The following ATP23 variants were observed in gnomAD, a reference collection of about 807,000 sequenced individuals.
The protein encoded by ATP23 is mitochondrial inner membrane protease ATP23 homolog.
ATP23 carries 24 observed loss-of-function variants against 28.5 expected under a neutral mutation model. The observed-to-expected ratio is 0.84, with a 90% CI of 0.61 to 1.18. The LOEUF (loss-of-function observed/expected upper bound fraction) is 1.18. ATP23 is among the 50% of genes most tolerant of loss of function. ATP23 has a pLI of 0.00. For synonymous variants in ATP23, 99 were observed against 108.6 expected, an observed-to-expected ratio of 0.91 and a Z score of 0.55; for missense variants, 274 against 306.4, an observed-to-expected ratio of 0.89 and a Z score of 0.79.
At chr12:57,956,009 T>C (rs2140543409) in intron 5 of ATP23, among the ~76,000 whole-genome samples, 1 of 152,350 alleles carries the variant, frequency 6.6e-6, no homozygotes, top group African/African-American at 2.4e-5. Flanking sequence ...AGAATTGGAA[T>C]GGCAGGGCCT....
Position 57,947,045 on chromosome 12 carries a change from T to C in ATP23, c.284T>C (p.Val95Ala). 1 of 1,614,132 alleles carries C rather than the reference T, an allele frequency of 6.2e-7. No individual in the cohort carries two copies. Among genetic ancestry groups the C allele is most frequent in the Non-Finnish European group, 8.5e-7 (1 of 1,180,008 alleles). ...TCTTGCGAAGACTGTAATGGAAATG[T>C]CAGTGGAGGTTTTGATGCTTCAACA... The part of the protein sequence containing the change: ...HFSCEDCNGN[V>A]SGGFDASTSQ... Residue 95 changes from valine (V) to alanine (A), a missense_variant, in exon 3 of 6, where the codon GTC becomes GCC. Val to Ala is a moderately conservative substitution (Grantham distance 64). Coordinates refer to ENST00000300145, the MANE Select transcript of ATP23 (RefSeq NM_033276.4).
chr12:57,946,288 T>C (rs897649737), intron 2 of ATP23, among the ~76,000 whole-genome samples: 4 of 152,176 alleles, frequency 2.6e-5, no homozygotes, highest in Admixed American at 6.5e-5. Context: ...CTGTTTTTAA[T>C]GGAAAAGAAA....
chr12:57,950,749 G>A (rs1008197308), intron 3 of ATP23, among the ~76,000 whole-genome samples: 25 of 151,804 alleles, frequency 1.6e-4, no homozygotes, highest in African/African-American at 2.4e-4. Context: ...GGCTGGTCCC[G>A]AACTCCTGGG....
intron 3 of ATP23, 90 bp downstream of exon 3, chr12:57,947,166 G>A: frequency 7.9e-7 from 1 of 1,269,988 alleles, no homozygotes; most frequent in Non-Finnish European, 1.1e-6. Flanking sequence ...ATTCTGTTTG[G>A]TAGACTTTAT....
In ATP23 at chr12:57,958,547, T is replaced by A. The variant is rs184926480; in HGVS notation, c.*1657T>A. Among the ~76,000 whole-genome samples, 27 of 152,280 alleles carry A rather than the reference T, an allele frequency of 1.8e-4. No homozygotes were observed. Among genetic ancestry groups the A allele is most frequent in the Non-Finnish European group, 3.2e-4 (22 of 68,022 alleles). The stretch of plus-strand genomic sequence containing the variant: ...CCACAGCCGAGAGACCCATAGACGG[T>A]TCACATCACAGGATTCTGTGCAGGC... On this transcript the variant is annotated 3_prime_UTR_variant, in exon 6 of 6. Coordinates refer to ENST00000300145, the MANE Select transcript of ATP23 (RefSeq NM_033276.4).
rs1956701530 is a variant in ATP23 at position 57,941,567 on chromosome 12, A to G, written c.-135A>G. 9 of 1,239,704 alleles carry G rather than the reference A, an allele frequency of 7.3e-6. No individual in the cohort carries two copies. The highest frequency in any genetic ancestry group is 1.6e-5 in the South Asian group (1 of 61,522). The allele number at this position is 1,239,704 out of a possible 1,614,324, so 76.8% of individuals were successfully genotyped here. On this transcript the variant is annotated 5_prime_UTR_variant, in exon 1 of 6. Coordinates refer to ENST00000300145, the MANE Select transcript of ATP23 (RefSeq NM_033276.4). ...AAGCCCCCTCCCGCCTAACGTCTTC[A>G]GCCCAGCCAGGCTGCCCTTCTTCCC...
At chr12:57,953,721 A>G (rs1414366209) in intron 5 of ATP23, 32 bp downstream of exon 5, 4 of 1,547,996 alleles carry the variant, frequency 2.6e-6, no homozygotes, top group Non-Finnish European at 3.6e-6. Flanking sequence ...CTTCCCCTCC[A>G]GAGTGTTACG....
At position 57,953,665 on chromosome 12, in the gene ATP23, T is replaced by A; in HGVS notation, c.513T>A (p.His171Gln). The A allele has an allele frequency of 1.2e-6, 2 of 1,614,138 alleles. No homozygotes were observed. The highest frequency in any genetic ancestry group is 1.7e-6 in the Non-Finnish European group (2 of 1,180,006). Residue 171 changes from histidine to glutamine, a missense_variant, in exon 5 of 6, where the codon CAT becomes CAA. His to Gln is a conservative substitution (Grantham distance 24, BLOSUM62 0). Coordinates refer to ENST00000300145, the MANE Select transcript of ATP23 (RefSeq NM_033276.4). ...CSLVNEIFRLHFGLKQHHQTC... is the reference protein window; with the variant it reads ...CSLVNEIFRLQFGLKQHHQTC... ...TTGTCAATGAAATATTCAGGTTACA[T>A]TTTGGATTAAAACAACACCACCAGG...
Position 57,941,897 on chromosome 12 carries a change from C to T in ATP23, c.187+9C>T, listed in dbSNP as rs1280747850. 1.2e-6 allele frequency: 2 copies of T among 1,612,316 alleles called. No homozygotes were observed. The highest frequency in any genetic ancestry group is 1.7e-6 in the Non-Finnish European group (2 of 1,179,254). ...GAAGACGCTGGAGACAAGTAGGAGC[C>T]ATGACCTGGAGGCTGTGGTTCCACA... On this transcript the variant is annotated intron_variant, in intron 1 of 5. Transcript: ENST00000300145.
At chr12:57,945,794 A>G in intron 2 of ATP23, 121 bp downstream of exon 2, 4 of 869,752 alleles carry the variant, frequency 4.6e-6, no homozygotes, top group South Asian at 4.5e-5. Flanking sequence ...TCCATAGGGT[A>G]AATAGAGGTA....
chr12:57,956,761 T>C lies in ATP23; in HGVS notation c.612T>C (p.Ala204=), dbSNP rs770134318. Residue 204 remains alanine (A), a synonymous_variant, in exon 6 of 6, where the codon GCT becomes GCC. Transcript: ENST00000300145. ...RNISKEVAKK[A]VDEVFESCFN... ...TCAGCAAAGAAGTAGCTAAAAAGGC[T>C]GTTGATGAAGTTTTTGAATCTTGTT... The C allele has an allele frequency of 6.2e-7, 1 of 1,614,058 alleles. No individual in the cohort carries two copies. The highest frequency in any genetic ancestry group is 1.7e-5 in the Admixed American group (1 of 60,022).
chr12:57,949,983 C>G (rs1427762034), intron 3 of ATP23, among the ~76,000 whole-genome samples: 1 of 152,102 alleles, frequency 6.6e-6, no homozygotes, highest in African/African-American at 2.4e-5. Context: ...GATTCCTTCC[C>G]CGTATTCTAT....
chr12:57,941,737 CG>C lies in ATP23; in HGVS notation c.37del (p.Ala13ArgfsTer45). 3 of 1,597,948 alleles carry C rather than the reference CG, an allele frequency of 1.9e-6. No individual in the cohort carries two copies. The highest frequency in any genetic ancestry group is 2.6e-6 in the Non-Finnish European group (3 of 1,173,264). On this transcript the variant is annotated frameshift_variant, in exon 1 of 6. Coordinates refer to ENST00000300145, the MANE Select transcript of ATP23 (RefSeq NM_033276.4). LOFTEE classifies it high-confidence loss of function. ...CTCCGGACGAGCGCCGGCGGGGCCC[CG>C]CGGCAGGGGAGCAGCTGCAGCAGCA... ...GAPDERRRGP[A>X]AGEQLQQQHV...
intron 1 of ATP23, among the ~76,000 whole-genome samples, chr12:57,942,876 C>G (rs1956721026): frequency 1.3e-5 from 2 of 152,192 alleles, no homozygotes; most frequent in Non-Finnish European, 2.9e-5. Flanking sequence ...AGAGACATTG[C>G]ACTAGAGAAG....
chr12:57,948,208 T>C (rs1170952434), intron 3 of ATP23, among the ~76,000 whole-genome samples: 1 of 152,194 alleles, frequency 6.6e-6, no homozygotes, highest in Non-Finnish European at 1.5e-5. Context: ...AGTGCACATC[T>C]TGAACTTTCA....
intron 5 of ATP23, among the ~76,000 whole-genome samples, chr12:57,956,450 A>G (rs1424495275): frequency 6.6e-6 from 1 of 151,586 alleles, no homozygotes; most frequent in African/African-American, 2.4e-5. Context: ...TATCAGTGGG[A>G]AAGATGAGAA....
At chr12:57,945,498 C>G in intron 1 of ATP23, 130 bp from the exon 2 acceptor site, 1 of 735,224 alleles carries the variant, frequency 1.4e-6, no homozygotes, top group Non-Finnish European at 2.3e-6. Flanking sequence ...TCCTAAAGTG[C>G]TGGGATTACA....
chr12:57,944,597 C>T (rs1160915411), intron 1 of ATP23, among the ~76,000 whole-genome samples: 1 of 152,232 alleles, frequency 6.6e-6, no homozygotes, highest in African/African-American at 2.4e-5. Flanking sequence ...TTCCTTGAGG[C>T]TCTTTCAATC....
At chr12:57,947,688 TTTATGGAATGA>T (rs1405708471) in intron 3 of ATP23, among the ~76,000 whole-genome samples, 2 of 152,226 alleles carry the variant, frequency 1.3e-5, no homozygotes, top group Non-Finnish European at 1.5e-5. Flanking sequence ...TTGTATCTAT[TTTATGGAATGA>T]TTATGAGAAT....
Sources: gnomAD v4.1 joint callset for allele counts (sites outside exome capture counted in the v4.1 genomes callset) on GRCh38, gnomAD v4.1.1 for gene constraint, MANE v1.5 for transcripts, NCBI Gene and HGNC (gene_info 2026-07-23, HGNC 2026-07-21) for gene names.